Variants in ARHGAP6 observed in about 807,000 individuals in gnomAD.
ARHGAP6 encodes the protein rho GTPase-activating protein 6.
ARHGAP6 carries 16 observed loss-of-function variants against 55.7 expected under a neutral mutation model. That is an observed-to-expected ratio of 0.29 (90% CI 0.19 to 0.44). The LOEUF (loss-of-function observed/expected upper bound fraction) is 0.44. ARHGAP6 is among the 20% of genes least tolerant of loss of function. ARHGAP6 has a pLI of 1.00. For missense variants in ARHGAP6, 698 were observed against 808.9 expected, an observed-to-expected ratio of 0.86 and a Z score of 1.66; for synonymous variants, 382 against 360.9, an observed-to-expected ratio of 1.06 and a Z score of -0.66.
At chrX:11,245,805 A>G (rs910720750) in intron 2 of ARHGAP6, among the ~76,000 whole-genome samples, 2 of 112,202 alleles carry the variant, frequency 1.8e-5, no homozygotes, top group African/African-American at 6.5e-5. Context: ...CACTGCAGAT[A>G]GGTTGTGGAC....
intron 1 of ARHGAP6, among the ~76,000 whole-genome samples, chrX:11,639,021 A>G (rs984753356): frequency 9.0e-6 from 1 of 110,995 alleles, no homozygotes; most frequent in Non-Finnish European, 1.9e-5. Flanking sequence ...CCTCATTTGA[A>G]GGGATTTCTG....
At chrX:11,243,200 T>C (rs907438306) in intron 2 of ARHGAP6, among the ~76,000 whole-genome samples, 1 of 111,713 alleles carries the variant, frequency 9.0e-6, no homozygotes, top group Non-Finnish European at 1.9e-5. Flanking sequence ...ATACCAGTAG[T>C]TTTTAATCTA....
intron 1 of ARHGAP6, among the ~76,000 whole-genome samples, chrX:11,262,534 C>T (rs958740716): frequency 9.8e-5 from 11 of 111,744 alleles, no homozygotes; most frequent in Admixed American, 3.8e-4. Context: ...TCTTTAATCT[C>T]ATCCAACTGT....
intron 1 of ARHGAP6, among the ~76,000 whole-genome samples, chrX:11,640,229 T>G (rs1188232135): frequency 8.9e-6 from 1 of 111,797 alleles, no homozygotes; most frequent in Non-Finnish European, 1.9e-5. Context: ...CATCAGGCTA[T>G]TTGTTGATTC....
At chrX:11,497,048 G>C (rs893919791) in intron 1 of ARHGAP6, among the ~76,000 whole-genome samples, 5 of 111,395 alleles carry the variant, frequency 4.5e-5, no homozygotes, top group African/African-American at 1.3e-4. Context: ...TATTGGTTTA[G>C]TGATCACCAG....
chrX:11,451,691 C>T (rs1011000978), intron 1 of ARHGAP6, among the ~76,000 whole-genome samples: 3 of 111,794 alleles, frequency 2.7e-5, no homozygotes, highest in Admixed American at 9.5e-5. Flanking sequence ...CCCTGCTCCC[C>T]AGAGTAAGAC....
chrX:11,485,197 C>T (rs936478378), intron 1 of ARHGAP6, among the ~76,000 whole-genome samples: 8 of 112,421 alleles, frequency 7.1e-5, no homozygotes, highest in African/African-American at 9.7e-5. Context: ...AGTGTAAATA[C>T]GTAGTTCTAA....
At chrX:11,242,104 AG>A (rs1024493851) in intron 2 of ARHGAP6, among the ~76,000 whole-genome samples, 3 of 112,043 alleles carry the variant, frequency 2.7e-5, no homozygotes, top group African/African-American at 9.7e-5. Context: ...TTATTCTGGC[AG>A]GGTGATTAGT....
chrX:11,661,815 C>T (rs1441481091), intron 1 of ARHGAP6, among the ~76,000 whole-genome samples: 1 of 111,957 alleles, frequency 8.9e-6, no homozygotes, highest in African/African-American at 3.2e-5. Flanking sequence ...ACCTCACTAA[C>T]GCAGCAGTTC....
intron 2 of ARHGAP6, among the ~76,000 whole-genome samples, chrX:11,203,216 C>T (rs1300958810): frequency 8.9e-6 from 1 of 111,967 alleles, no homozygotes; most frequent in Non-Finnish European, 1.9e-5. Context: ...GTAAACATTT[C>T]CAGAAACATT....
intron 1 of ARHGAP6, among the ~76,000 whole-genome samples, chrX:11,530,414 T>A (rs776254526): frequency 8.9e-5 from 10 of 112,518 alleles, no homozygotes; most frequent in Non-Finnish European, 1.9e-4. Flanking sequence ...AAACACGGAC[T>A]CAACTTGCTA....
At position 11,169,691 on chromosome X, in the gene ARHGAP6, G is replaced by A. The variant is rs754230278; in HGVS notation, c.1630-7C>T. The A allele has an allele frequency of 3.4e-5, 40 of 1,168,731 alleles. No homozygotes were observed. Among genetic ancestry groups the A allele is most frequent in the Non-Finnish European group, 3.0e-5 (26 of 872,127 alleles). ...TCATTTTATTCCCAGTGACCTATAA[G>A]AGAACAGAACACAAGGACTGTTGTT... On this transcript the variant is annotated splice_polypyrimidine_tract_variant and splice_region_variant and intron_variant, in intron 8 of 12. Coordinates refer to ENST00000337414, the MANE Select transcript of ARHGAP6 (RefSeq NM_013427.3).
intron 1 of ARHGAP6, among the ~76,000 whole-genome samples, chrX:11,563,599 GA>G (rs1456196945): frequency 1.8e-5 from 2 of 111,348 alleles, no homozygotes; most frequent in African/African-American, 6.5e-5. Flanking sequence ...TCTCTGCAAA[GA>G]TTGGAAACTT....
intron 10 of ARHGAP6, among the ~76,000 whole-genome samples, chrX:11,151,442 T>A (rs1480410166): frequency 2.7e-5 from 3 of 110,074 alleles, no homozygotes; most frequent in Non-Finnish European, 3.8e-5. Context: ...CTTTTAAATT[T>A]TTCTTTAGTA....
chrX:11,298,673 T>A (rs762158191), intron 1 of ARHGAP6: 1 of 1,210,466 alleles, frequency 8.3e-7, no homozygotes, highest in Non-Finnish European at 1.1e-6. Context: ...TGGTGCCAGC[T>A]CAGCAGCCCG....
chrX:11,391,109 A>C (rs1207808946), intron 1 of ARHGAP6, among the ~76,000 whole-genome samples: 1 of 112,272 alleles, frequency 8.9e-6, no homozygotes, highest in African/African-American at 3.2e-5. Context: ...TGTGGCACAT[A>C]TACACCATGA....
At chrX:11,262,576 A>C (rs923201591) in intron 1 of ARHGAP6, among the ~76,000 whole-genome samples, 1 of 111,726 alleles carries the variant, frequency 9.0e-6, no homozygotes, top group African/African-American at 3.3e-5. Context: ...GGGGTGAGGC[A>C]GGGCTGTTCA....
chrX:11,604,010 T>C (rs1456667134), intron 1 of ARHGAP6, among the ~76,000 whole-genome samples: 1 of 111,750 alleles, frequency 8.9e-6, no homozygotes, highest in African/African-American at 3.3e-5. Context: ...GGCTCATCTG[T>C]TTCGTGAAGC....
At chrX:11,544,240 A>C (rs893351540) in intron 1 of ARHGAP6, among the ~76,000 whole-genome samples, 1 of 112,434 alleles carries the variant, frequency 8.9e-6, no homozygotes, top group Non-Finnish European at 1.9e-5. Context: ...ATGATAAAAA[A>C]CAATGCATGA....
Sources: gnomAD v4.1 joint callset for allele counts (sites outside exome capture counted in the v4.1 genomes callset) on GRCh38, gnomAD v4.1.1 for gene constraint, MANE v1.5 for transcripts, NCBI Gene and HGNC (gene_info 2026-07-23, HGNC 2026-07-21) for gene names.